ABTB2: variants seen among roughly 807,000 people sequenced by gnomAD.
ABTB2 encodes the protein ankyrin repeat and BTB domain containing 2.
A neutral mutation model predicts 104.1 loss-of-function variants in ABTB2; 56 were observed. That is an observed-to-expected ratio of 0.54 (90% confidence interval 0.43 to 0.67). The LOEUF is 0.67. Among genes scored for constraint, ABTB2 ranks in the 30% least tolerant of loss-of-function variants. The pLI is 0.00. For missense variants in ABTB2, 1,279 were observed against 1,407.7 expected, an observed-to-expected ratio of 0.91 and a Z score of 1.46; for synonymous variants, 606 against 608.2, an observed-to-expected ratio of 1.00 and a Z score of 0.05.
chr11:34,208,867 C>A (rs1357101265), intron 1 of ABTB2, among the ~76,000 whole-genome samples: 1 of 152,136 alleles, frequency 6.6e-6, no homozygotes, highest in African/African-American at 2.4e-5. Flanking sequence ...CCACCCCAGT[C>A]AGGCTGCCAT....
Position 34,356,943 on chromosome 11 carries a change from A to C in ABTB2, c.641T>G (p.Met214Arg). 6.2e-7 allele frequency: 1 copy of C among 1,600,776 alleles called. No homozygotes were observed. The highest frequency in any genetic ancestry group is 8.5e-7 in the Non-Finnish European group (1 of 1,174,190). The change falls in exon 1 of 17, where the codon ATG (methionine) becomes AGG (arginine). Residue 214 changes from methionine (M) to arginine (R), a missense_variant. Physicochemically the swap from Met to Arg is moderately conservative, Grantham distance 91. Transcript: ENST00000435224. This position sits in a 1 kb window ranked among gnomAD's most constrained non-coding sequence, Gnocchi z 4.6. ...TFSVGRFFRW[M>R]VDTRISVRIH... ...GCGCACGGAGATTCGGGTGTCCACC[A>C]TCCAGCGGAAAAAGCGACCCACTGA...
rs535499076 is a variant in ABTB2, at chr11:34,247,518, G to A, written c.884-42828C>T. On this transcript the variant is annotated intron_variant, in intron 1 of 16. Coordinates refer to ENST00000435224, the MANE Select transcript of ABTB2 (RefSeq NM_145804.3). ...ATGTAAGTGTTCTGAGCATGTTTAA[G>A]GTAAGCTAGGCTAAGCTATGACGTT... is the stretch of plus-strand genomic sequence containing the variant. Among the ~76,000 whole-genome samples the A allele has an allele frequency of 9.8e-5, 15 of 152,330 alleles. No individual in the cohort carries two copies. The South Asian group carries it at 2.9e-3, about 29-fold the overall frequency.
At chr11:34,274,094 G>A (rs539746968) in intron 1 of ABTB2, among the ~76,000 whole-genome samples, 5 of 141,886 alleles carry the variant, frequency 3.5e-5, no homozygotes, top group African/African-American at 1.3e-4. Flanking sequence ...GGAGCTTGCA[G>A]TGAGCCGAGA....
At chr11:34,257,245 AC>A (rs1268309042) in intron 1 of ABTB2, among the ~76,000 whole-genome samples, 1 of 150,122 alleles carries the variant, frequency 6.7e-6, no homozygotes, top group Non-Finnish European at 1.5e-5. Flanking sequence ...AAGAAAATGA[AC>A]CCAAGAGCCA....
chr11:34,264,219 G>C (rs1035908644), intron 1 of ABTB2, among the ~76,000 whole-genome samples: 4 of 152,194 alleles, frequency 2.6e-5, no homozygotes, highest in African/African-American at 9.7e-5. Flanking sequence ...GCAGTCTCGA[G>C]GCCGAGAGTT....
intron 3 of ABTB2, among the ~76,000 whole-genome samples, chr11:34,186,764 T>C (rs1853105787): frequency 6.6e-6 from 1 of 152,166 alleles, no homozygotes; most frequent in Non-Finnish European, 1.5e-5. Flanking sequence ...AATCCCTGGC[T>C]CGCTCCTTCT....
At chr11:34,322,593 A>G (rs1855018823) in intron 1 of ABTB2, among the ~76,000 whole-genome samples, 1 of 151,924 alleles carries the variant, frequency 6.6e-6, no homozygotes, top group Non-Finnish European at 1.5e-5. Context: ...AAATAAATAA[A>G]TATATAAATA....
Position 34,165,340 on chromosome 11 carries a change from C to G in ABTB2, c.1772G>C (p.Gly591Ala). 6.3e-7 allele frequency: 1 copy of G among 1,586,636 alleles called. No homozygotes were observed. Among genetic ancestry groups the G allele is most frequent in the Non-Finnish European group, 8.6e-7 (1 of 1,167,190 alleles). Residue 591 changes from glycine to alanine, a missense_variant, in exon 8 of 17, where the codon GGT becomes GCT. Coordinates refer to ENST00000435224, the MANE Select transcript of ABTB2 (RefSeq NM_145804.3). Reference sequence around the variant, plus strand: ...CACTGCCGAGCCCTCGACATGGGCACCAGCATCCAGCAGCAACTGCCAGGG... The same window carrying G: ...CACTGCCGAGCCCTCGACATGGGCAGCAGCATCCAGCAGCAACTGCCAGGG... ...ISVVQLLLDAGAHVEGSAVNG... is the reference protein window; with the variant it reads ...ISVVQLLLDAAAHVEGSAVNG...
intron 1 of ABTB2, among the ~76,000 whole-genome samples, chr11:34,232,633 T>C (rs1009940453): frequency 6.6e-6 from 1 of 151,972 alleles, no homozygotes; most frequent in Admixed American, 6.6e-5. Context: ...CATTTACATA[T>C]CCATTTGTTT....
Position 34,356,831 on chromosome 11 carries a change from G to A in ABTB2, c.753C>T (p.Ser251=), listed in dbSNP as rs1855470873. Residue 251 remains serine (S), a synonymous_variant, in exon 1 of 17, where the codon AGC becomes AGT. Transcript: ENST00000435224. This position sits in a 1 kb window ranked among gnomAD's most constrained non-coding sequence, Gnocchi z 4.6. ...EIRARVMASH[S]PDGGGAGGGE... is the part of the protein sequence containing the mutation. Reference sequence around the variant, plus strand: ...CGCCTCCGGCCCCTCCGCCATCAGGGCTGTGGCTGGCCATCACCCTGGCCC... The same window carrying A: ...CGCCTCCGGCCCCTCCGCCATCAGGACTGTGGCTGGCCATCACCCTGGCCC... 3 of 1,606,146 alleles carry A rather than the reference G, an allele frequency of 1.9e-6. No individual in the cohort carries two copies. Among genetic ancestry groups the A allele is most frequent in the Non-Finnish European group, 2.6e-6 (3 of 1,176,440 alleles).
chr11:34,198,747 C>G (rs1156378113), intron 2 of ABTB2, among the ~76,000 whole-genome samples: 2 of 152,208 alleles, frequency 1.3e-5, no homozygotes, highest in Non-Finnish European at 2.9e-5. Context: ...CAGCCCCAGA[C>G]AGGAAACGGC....
At chr11:34,215,520 C>T (rs1047195733) in intron 1 of ABTB2, among the ~76,000 whole-genome samples, 9 of 152,306 alleles carry the variant, frequency 5.9e-5, no homozygotes, top group Admixed American at 2.0e-4. Flanking sequence ...CAATCAGCTT[C>T]GGTTCCAATT....
intron 1 of ABTB2, among the ~76,000 whole-genome samples, chr11:34,339,135 G>A (rs750652586): frequency 1.6e-4 from 25 of 152,060 alleles, no homozygotes; most frequent in Non-Finnish European, 3.1e-4. Flanking sequence ...ACCATTTCTC[G>A]TCATCTTGAC....
chr11:34,323,906 C>CTTTTTTTTTTTTTTTTTTTTTTTTTTT, intron 1 of ABTB2, among the ~76,000 whole-genome samples: 1 of 63,878 alleles, frequency 1.6e-5, no homozygotes, highest in Non-Finnish European at 2.7e-5. Flanking sequence ...TAAATTCCCT[C>CTTTTTTTTTTTTTTTTTTTTTTTTTTT]TTTTTTTTTT....
Position 34,160,374 on chromosome 11 carries a change from G to T in ABTB2, c.2398-21C>A, listed in dbSNP as rs1193818475. 8 of 1,566,544 alleles carry T rather than the reference G, an allele frequency of 5.1e-6. No individual in the cohort carries two copies. In the Admixed American group the frequency reaches 8.3e-5, roughly 16 times the overall value. ...TCGTTCTGTGGGGAGAGGAGAGAGGGCCTGTGAGCTGCCCGCTGTGGCTGG... is the reference window on the plus strand; with the variant it reads ...TCGTTCTGTGGGGAGAGGAGAGAGGTCCTGTGAGCTGCCCGCTGTGGCTGG... On this transcript the variant is annotated intron_variant, in intron 11 of 16. Transcript: ENST00000435224.
At chr11:34,243,251 G>C (rs1452934681) in intron 1 of ABTB2, among the ~76,000 whole-genome samples, 1 of 152,138 alleles carries the variant, frequency 6.6e-6, no homozygotes, top group East Asian at 1.9e-4. Context: ...AAGGACTAGA[G>C]ACTAGCCTGT....
At chr11:34,310,906 C>T (rs188810951) in intron 1 of ABTB2, among the ~76,000 whole-genome samples, 3 of 152,348 alleles carry the variant, frequency 2.0e-5, no homozygotes, top group Admixed American at 6.5e-5. Flanking sequence ...TGCATTTGTG[C>T]TGTTTTTGGA....
intron 3 of ABTB2, among the ~76,000 whole-genome samples, chr11:34,178,500 AG>A (rs2133022036): frequency 6.6e-6 from 1 of 152,318 alleles, no homozygotes; most frequent in East Asian, 1.9e-4. Context: ...CTCCAGGGTG[AG>A]AGGGCCTGAA....
chr11:34,211,517 A>G (rs1457614718), intron 1 of ABTB2, among the ~76,000 whole-genome samples: 2 of 152,136 alleles, frequency 1.3e-5, no homozygotes, highest in Admixed American at 1.3e-4. Context: ...GACAAGAGCA[A>G]GATGAGGGAA....
Sources: allele counts gnomAD v4.1 joint callset (sites outside exome capture counted in the v4.1 genomes callset), GRCh38; gene constraint gnomAD v4.1.1; non-coding constraint Gnocchi (gnomAD v3.1); transcripts MANE v1.5; gene names NCBI Gene and HGNC (gene_info 2026-07-23, HGNC 2026-07-21).